SFRP1: variants seen among roughly 807,000 people sequenced by gnomAD.
SFRP1 encodes secreted frizzled-related protein 1.
SFRP1 carries 9 observed loss-of-function variants against 25.9 expected under a neutral mutation model. The ratio of observed to expected loss-of-function variants is 0.35; its 90% CI spans 0.21 to 0.61. SFRP1 has a LOEUF of 0.61. SFRP1 is among the 20% of genes least tolerant of loss of function. The pLI, the probability that SFRP1 is intolerant of heterozygous loss-of-function variation, is 0.78. For missense variants in SFRP1, 346 were observed against 418.2 expected (o/e 0.83, Z 1.51); for synonymous variants, 178 against 174.0 (o/e 1.02, Z -0.18).
Position 41,309,000 on chromosome 8 carries a change from T to TG in SFRP1, c.159dup (p.Lys54GlnfsTer103). 6.2e-7 allele frequency: 1 copy of TG among 1,612,672 alleles called. No homozygotes were observed. Among genetic ancestry groups the TG allele is most frequent in the Non-Finnish European group, 8.5e-7 (1 of 1,179,888 alleles). On this transcript the variant is annotated frameshift_variant, in exon 1 of 3. Transcript: ENST00000220772. LOFTEE classifies it high-confidence loss of function. The stretch of plus-strand genomic sequence containing the variant: ...GGGATGTCCACGCACTGAGGTGGCT[T>TG]GGTGTAGAAGCGCCCGCTCTGGTAC...
Position 41,308,683 on chromosome 8 carries a change from C to G in SFRP1, c.477G>C (p.Lys159Asn). Reference protein sequence around the residue: ...FYWPEMLKCDKFPEGDVCIAM... With the variant: ...FYWPEMLKCDNFPEGDVCIAM... ...CGATGCAGACGTCCCCCTCGGGGAACTTGTCACACTTAAGCATCTCGGGCC... is the reference window on the plus strand; with the variant it reads ...CGATGCAGACGTCCCCCTCGGGGAAGTTGTCACACTTAAGCATCTCGGGCC... Residue 159 changes from lysine (K) to asparagine (N), a missense_variant, in exon 1 of 3, where the codon AAG becomes AAC. By Grantham distance (94) the Lys-to-Asn change is moderately conservative. Transcript: ENST00000220772. 6.2e-7 allele frequency: 1 copy of G among 1,611,244 alleles called. No homozygotes were observed. Among genetic ancestry groups the G allele is most frequent in the Non-Finnish European group, 8.5e-7 (1 of 1,178,562 alleles).
chr8:41,288,930 T>C (rs997360778), intron 2 of SFRP1, among the ~76,000 whole-genome samples: 11 of 152,280 alleles, frequency 7.2e-5, no homozygotes, highest in African/African-American at 2.4e-4. Context: ...CCCAAGAAGA[T>C]GGCGCTGGGG....
rs567430655 is a variant in SFRP1 at position 41,286,705 on chromosome 8, AG to A, written c.622+16755del. Among the ~76,000 whole-genome samples, 3 of 152,262 alleles carry A rather than the reference AG, an allele frequency of 2.0e-5. No individual in the cohort carries two copies. The East Asian group carries it at 5.8e-4, about 29-fold the overall frequency. On this transcript the variant is annotated intron_variant, in intron 2 of 2. Coordinates refer to ENST00000220772, the MANE Select transcript of SFRP1 (RefSeq NM_003012.5). ...GGCGTCATCCCTTTCTTCACTGAAGAGGGGGTCCACACACGAGGTCGGGGGC... is the reference window on the plus strand; with the variant it reads ...GGCGTCATCCCTTTCTTCACTGAAGAGGGGTCCACACACGAGGTCGGGGGC...
At chr8:41,290,695 G>A (rs1475461798) in intron 2 of SFRP1, among the ~76,000 whole-genome samples, 3 of 152,010 alleles carry the variant, frequency 2.0e-5, no homozygotes, top group Non-Finnish European at 4.4e-5. Flanking sequence ...GCCCTGAGCA[G>A]GCCCAGACCC....
chr8:41,287,996 T>A (rs1013647366), intron 2 of SFRP1, among the ~76,000 whole-genome samples: 6 of 151,980 alleles, frequency 3.9e-5, no homozygotes, highest in Non-Finnish European at 8.8e-5. Context: ...GGCAGGAGGA[T>A]AACTTGAGGC....
At chr8:41,282,267 A>ACACT (rs1290456359) in intron 2 of SFRP1, among the ~76,000 whole-genome samples, 1 of 152,224 alleles carries the variant, frequency 6.6e-6, no homozygotes, top group Non-Finnish European at 1.5e-5. Context: ...TATAATCCCA[A>ACACT]CACTCTGGGA....
chr8:41,309,101 G>C lies in SFRP1; in HGVS notation c.59C>G (p.Ala20Gly). ...CACGGCCAGAAGCGCCGCGCCCAGCGCCAGCAGCACGCCCAGGGCTGCCCC... is the reference window on the plus strand; with the variant it reads ...CACGGCCAGAAGCGCCGCGCCCAGCCCCAGCAGCACGCCCAGGGCTGCCCC... ...RRGAALGVLL[A>G]LGAALLAVGS... Residue 20 changes from alanine (A) to glycine (G), a missense_variant, in exon 1 of 3, where the codon GCG becomes GGG. By Grantham distance (60) the Ala-to-Gly change is moderately conservative. Coordinates refer to ENST00000220772, the MANE Select transcript of SFRP1 (RefSeq NM_003012.5). The C allele has an allele frequency of 6.4e-7, 1 of 1,568,008 alleles. No homozygotes were observed. The highest frequency in any genetic ancestry group is 1.3e-5 in the African/African-American group (1 of 74,138).
intron 2 of SFRP1, among the ~76,000 whole-genome samples, chr8:41,297,211 T>C (rs1312884158): frequency 6.6e-6 from 1 of 152,026 alleles, no homozygotes; most frequent in Non-Finnish European, 1.5e-5. Flanking sequence ...GCCCAGCTAA[T>C]TTTTGTATTT....
chr8:41,276,902 C>A (rs1803578411), intron 2 of SFRP1: 1 of 456,216 alleles, frequency 2.2e-6, no homozygotes, highest in African/African-American at 2.0e-5. Flanking sequence ...TATGAACGCA[C>A]ACACGCAAGC....
At chr8:41,305,651 G>GT (rs1443680042) in intron 1 of SFRP1, among the ~76,000 whole-genome samples, 7 of 152,178 alleles carry the variant, frequency 4.6e-5, no homozygotes, top group African/African-American at 1.4e-4. Context: ...GTTTTCAGTT[G>GT]TATTTAAAAT....
intron 2 of SFRP1, among the ~76,000 whole-genome samples, chr8:41,298,823 T>C (rs1585519695): frequency 6.6e-6 from 1 of 152,102 alleles, no homozygotes; most frequent in African/African-American, 2.4e-5. Flanking sequence ...TTTTAAGTGG[T>C]ACAGGTGAGC....
chr8:41,271,464 CA>C (rs1417600314), intron 2 of SFRP1: 3 of 184,150 alleles, frequency 1.6e-5, no homozygotes, highest in East Asian at 1.2e-4. Context: ...TGGAGCCATC[CA>C]AAAAAATTCG....
chr8:41,284,622 C>G (rs1803676105), intron 2 of SFRP1, among the ~76,000 whole-genome samples: 1 of 152,196 alleles, frequency 6.6e-6, no homozygotes, highest in South Asian at 2.1e-4. Flanking sequence ...AAGTGACCTG[C>G]AGGGACCACA....
intron 2 of SFRP1, among the ~76,000 whole-genome samples, chr8:41,294,435 A>G (rs541606713): frequency 2.7e-4 from 41 of 152,346 alleles, no homozygotes; most frequent in African/African-American, 9.4e-4. Flanking sequence ...TGGAAGGGCT[A>G]GAGAAAACAA....
chr8:41,290,883 C>T (rs1212807548), intron 2 of SFRP1, among the ~76,000 whole-genome samples: 4 of 45,630 alleles, frequency 8.8e-5, no homozygotes, highest in South Asian at 1.2e-3. Context: ...TCCTCTTCCT[C>T]GTCTTTTTTT....
intron 2 of SFRP1, among the ~76,000 whole-genome samples, chr8:41,293,658 A>G (rs919521596): frequency 9.2e-5 from 14 of 152,008 alleles, no homozygotes; most frequent in Non-Finnish European, 1.8e-4. Flanking sequence ...CCTGAGTGCT[A>G]GAACTACGCA....
In SFRP1 at chr8:41,265,348, T is replaced by A; in HGVS notation, c.764A>T (p.Asp255Val). The change falls in exon 3 of 3, where the codon GAC (aspartate) becomes GTC (valine). Residue 255 changes from aspartate (D) to valine (V), a missense_variant. By Grantham distance (152) the Asp-to-Val change is radical. Transcript: ENST00000220772. The stretch of plus-strand genomic sequence containing the variant: ...GTTGTCCAGCTGGTGGCAGGGACAG[T>A]CAGCCCCATTCTTCAGGTACAGCAC... Reference protein sequence around the residue: ...KLVLYLKNGADCPCHQLDNLS... With the variant: ...KLVLYLKNGAVCPCHQLDNLS... The A allele has an allele frequency of 6.2e-7, 1 of 1,614,086 alleles. No homozygotes were observed. Among genetic ancestry groups the A allele is most frequent in the South Asian group, 1.1e-5 (1 of 91,064 alleles).
At chr8:41,305,815 C>CTCTTTCT (rs1803988627) in intron 1 of SFRP1, among the ~76,000 whole-genome samples, 1 of 152,194 alleles carries the variant, frequency 6.6e-6, no homozygotes, top group South Asian at 2.1e-4. Context: ...CAGTCTCTCT[C>CTCTTTCT]TCTTTCTTCT....
chr8:41,290,980 C>G (rs145653864), intron 2 of SFRP1, among the ~76,000 whole-genome samples: 2,361 of 136,686 alleles, frequency 0.017, 70 homozygotes, highest in African/African-American at 0.059. Context: ...GATCTCGGCT[C>G]ACTGCAAGCT....
Sources: gnomAD v4.1 joint callset for allele counts (sites outside exome capture counted in the v4.1 genomes callset) on GRCh38, gnomAD v4.1.1 for gene constraint, MANE v1.5 for transcripts, NCBI Gene and HGNC (gene_info 2026-07-23, HGNC 2026-07-21) for gene names.